CDC42BPA: variants seen among roughly 807,000 people sequenced by gnomAD.
The protein encoded by CDC42BPA is CDC42 binding protein kinase alpha.
In CDC42BPA, 80 loss-of-function variants were observed where a neutral mutation model predicts 223.5. That is an observed-to-expected ratio of 0.36 (90% confidence interval 0.30 to 0.43). The LOEUF is 0.43. Ranked by LOEUF, CDC42BPA falls within the 20% of genes least tolerant of loss-of-function variation. CDC42BPA has a pLI of 1.00. For synonymous variants in CDC42BPA, 694 were observed against 718.6 expected, an observed-to-expected ratio of 0.97 and a Z score of 0.55; for missense variants, 1,743 against 2,099.9, an observed-to-expected ratio of 0.83 and a Z score of 3.32.
At chr1:227,009,701 C>T (rs894074076) in intron 34 of CDC42BPA, among the ~76,000 whole-genome samples, 3 of 152,120 alleles carry the variant, frequency 2.0e-5, no homozygotes, top group Admixed American at 6.6e-5. Flanking sequence ...CATGTATGAG[C>T]CATCATGCCC....
intron 1 of CDC42BPA, among the ~76,000 whole-genome samples, chr1:227,312,165 A>T (rs983766391): frequency 1.3e-5 from 2 of 152,298 alleles, no homozygotes; most frequent in Non-Finnish European, 1.5e-5. Flanking sequence ...AATTTTTTTT[A>T]AATGCTGGTT....
Position 227,305,416 on chromosome 1 carries a change from G to C in CDC42BPA, c.178+11589C>G, listed in dbSNP as rs1281788538. Reference sequence around the variant, plus strand: ...TAAAAGTAACTCACATTTGTATAATGTCTGCATTGTGGTTTGTTGTCTCAA... The same window carrying C: ...TAAAAGTAACTCACATTTGTATAATCTCTGCATTGTGGTTTGTTGTCTCAA... On this transcript the variant is annotated intron_variant, in intron 1 of 36. Transcript: ENST00000366766. Among the ~76,000 whole-genome samples the C allele has an allele frequency of 9.2e-5, 14 of 152,082 alleles. 1 individual carries two copies. The highest frequency in any genetic ancestry group is 9.2e-4 in the Admixed American group (14 of 15,278).
At chr1:227,247,255 T>C (rs1267235238) in intron 2 of CDC42BPA, among the ~76,000 whole-genome samples, 1 of 150,864 alleles carries the variant, frequency 6.6e-6, no homozygotes, top group Non-Finnish European at 1.5e-5. Flanking sequence ...CCCAGCACTT[T>C]GGGAGGCCAA....
chr1:227,113,494 T>C (rs899340532), intron 12 of CDC42BPA, among the ~76,000 whole-genome samples: 1 of 151,996 alleles, frequency 6.6e-6, no homozygotes, highest in African/African-American at 2.4e-5. Flanking sequence ...CAACCACAGA[T>C]TCCAAAATAC....
At chr1:227,304,428 A>C (rs1422934099) in intron 1 of CDC42BPA, among the ~76,000 whole-genome samples, 2 of 152,006 alleles carry the variant, frequency 1.3e-5, no homozygotes, top group Non-Finnish European at 2.9e-5. Flanking sequence ...AAAAAAGAAA[A>C]ACACAAAAAC....
intron 22 of CDC42BPA, among the ~76,000 whole-genome samples, chr1:227,048,451 T>C (rs1330524968): frequency 6.6e-6 from 1 of 151,960 alleles, no homozygotes; most frequent in Non-Finnish European, 1.5e-5. Context: ...ATATTACATA[T>C]ATAGAACACA....
At chr1:227,087,174 T>C (rs766639411) in intron 16 of CDC42BPA, among the ~76,000 whole-genome samples, 2 of 152,204 alleles carry the variant, frequency 1.3e-5, no homozygotes, top group Non-Finnish European at 2.9e-5. Context: ...CACAAAGACT[T>C]TCTCCTATGC....
intron 7 of CDC42BPA, among the ~76,000 whole-genome samples, chr1:227,146,260 C>T (rs1003836528): frequency 1.3e-5 from 2 of 152,088 alleles, no homozygotes; most frequent in African/African-American, 4.8e-5. Context: ...ACTTTCTCAA[C>T]ATTACACATC....
chr1:227,202,262 G>T (rs918016804), intron 3 of CDC42BPA, among the ~76,000 whole-genome samples: 1 of 152,164 alleles, frequency 6.6e-6, no homozygotes, highest in Non-Finnish European at 1.5e-5. Flanking sequence ...GATTACAGGC[G>T]TGAGCCACCA....
At chr1:227,311,282 C>G (rs1447584289) in intron 1 of CDC42BPA, among the ~76,000 whole-genome samples, 1 of 151,944 alleles carries the variant, frequency 6.6e-6, no homozygotes, top group East Asian at 1.9e-4. Context: ...GATCCTGAGC[C>G]CAGGAGGTTG....
intron 24 of CDC42BPA, among the ~76,000 whole-genome samples, chr1:227,038,742 G>C (rs1670801164): frequency 6.6e-6 from 1 of 152,214 alleles, no homozygotes; most frequent in African/African-American, 2.4e-5. Flanking sequence ...TTGAAGAACA[G>C]CAGCAGGAGA....
chr1:227,055,040 T>G (rs1674276222), intron 21 of CDC42BPA, among the ~76,000 whole-genome samples: 1 of 151,998 alleles, frequency 6.6e-6, no homozygotes, highest in African/African-American at 2.4e-5. Context: ...AGTCATATCT[T>G]TAATTTTAAA....
intron 5 of CDC42BPA, among the ~76,000 whole-genome samples, chr1:227,181,830 C>G (rs907309333): frequency 6.6e-6 from 1 of 152,094 alleles, no homozygotes; most frequent in African/African-American, 2.4e-5. Context: ...TTTTCTTAAG[C>G]TTTTATCATT....
intron 2 of CDC42BPA, among the ~76,000 whole-genome samples, chr1:227,253,612 ATACATACATAC>A (rs1558877640): frequency 1.9e-4 from 22 of 114,302 alleles, no homozygotes; most frequent in Non-Finnish European, 3.6e-4. Flanking sequence ...AAATAAATAC[ATACATACATAC>A]ATACATACAT....
intron 16 of CDC42BPA, among the ~76,000 whole-genome samples, chr1:227,088,910 G>C (rs919995704): frequency 3.3e-5 from 5 of 152,016 alleles, no homozygotes; most frequent in Admixed American, 1.3e-4. Flanking sequence ...ATTTTTAGTA[G>C]AGATGGGGTT....
chr1:227,248,062 G>T (rs936685886), intron 2 of CDC42BPA, among the ~76,000 whole-genome samples: 1 of 151,806 alleles, frequency 6.6e-6, no homozygotes, highest in South Asian at 2.1e-4. Flanking sequence ...GGTGACAAAA[G>T]AATGAAAAAG....
At chr1:227,282,953 A>G (rs937860326) in intron 1 of CDC42BPA, among the ~76,000 whole-genome samples, 1 of 152,230 alleles carries the variant, frequency 6.6e-6, no homozygotes, top group Admixed American at 6.5e-5. Flanking sequence ...ACTTGATGTC[A>G]CTGAACTATA....
chr1:227,196,338 C>CTTTTTTTTTTTTTTTTCTTTTTTTTTT (rs1553388919), intron 4 of CDC42BPA, among the ~76,000 whole-genome samples: 1 of 92,352 alleles, frequency 1.1e-5, no homozygotes. Context: ...TTAAACAATA[C>CTTTTTTTTTTTTTTTTCTTTTTTTTTT]TTTTTTTTTT....
At chr1:227,126,663 A>G (rs1011894028) in intron 11 of CDC42BPA, among the ~76,000 whole-genome samples, 2 of 152,234 alleles carry the variant, frequency 1.3e-5, no homozygotes, top group Non-Finnish European at 2.9e-5. Flanking sequence ...ATGGTTTACA[A>G]CAGGGATGTA....
Sources: allele counts gnomAD v4.1 joint callset (sites outside exome capture counted in the v4.1 genomes callset), GRCh38; gene constraint gnomAD v4.1.1; transcripts MANE v1.5; gene names NCBI Gene and HGNC (gene_info 2026-07-23, HGNC 2026-07-21).